Variants in ANAPC1 observed in about 807,000 individuals in gnomAD.
ANAPC1 encodes the protein anaphase promoting complex subunit 1.
A neutral mutation model predicts 208.0 loss-of-function variants in ANAPC1; 36 were observed. The ratio of observed to expected loss-of-function variants is 0.17; its 90% CI spans 0.13 to 0.23. ANAPC1 has a LOEUF of 0.23. Among genes scored for constraint, ANAPC1 ranks in the 10% least tolerant of loss-of-function variants. ANAPC1 has a pLI of 1.00. For missense variants in ANAPC1, 942 were observed against 2,011.6 expected (o/e 0.47, Z 10.17); for synonymous variants, 378 against 695.2 (o/e 0.54, Z 7.18).
chr2:111,863,352 CAA>C (rs75401538), intron 9 of ANAPC1, among the ~76,000 whole-genome samples: 2 of 127,776 alleles, frequency 1.6e-5, no homozygotes, highest in Non-Finnish European at 1.7e-5. Flanking sequence ...ACTAAAAATA[CAA>C]AAAAAAAAAA....
chr2:111,864,966 A>C lies in ANAPC1; in HGVS notation c.686-15T>G. ...ACCAAAAAGACCTTAAAAATAAAAT[A>C]GAAAAATCAGGTATAGAACAATGGG... On this transcript the variant is annotated splice_polypyrimidine_tract_variant and intron_variant, in intron 7 of 47. Transcript: ENST00000341068. The C allele has an allele frequency of 1.9e-6, 3 of 1,605,010 alleles. No individual in the cohort carries two copies. The South Asian group carries it at 3.3e-5, about 18-fold the overall frequency.
chr2:111,863,623 C>T, intron 9 of ANAPC1, 52 bp downstream of exon 9: 3 of 1,541,404 alleles, frequency 1.9e-6, no homozygotes, highest in Non-Finnish European at 2.6e-6. Context: ...AATTCTAAAT[C>T]CTTCAAAACA....
intron 33 of ANAPC1, 91 bp downstream of exon 33, chr2:111,802,337 A>AC (rs1423091245): frequency 8.5e-7 from 1 of 1,175,734 alleles, no homozygotes; most frequent in Non-Finnish European, 1.3e-6. Flanking sequence ...TGCTGGGATT[A>AC]CAGGCGTAAG....
chr2:111,773,761 G>A (rs113419074), intron 46 of ANAPC1, among the ~76,000 whole-genome samples: 1,615 of 152,238 alleles, frequency 0.011, 11 homozygotes, highest in Middle Eastern at 0.017. Context: ...AAGGAGCTCA[G>A]TGTTTTTGAG....
At chr2:111,806,029 A>G (rs1229857422) in intron 29 of ANAPC1, 136 bp from the exon 30 acceptor site, 6 of 542,770 alleles carry the variant, frequency 1.1e-5, no homozygotes, top group Non-Finnish European at 2.0e-5. Context: ...TTATGACACT[A>G]TAATAAATGG....
chr2:111,824,923 G>A (rs1263130103), intron 24 of ANAPC1, 43 bp downstream of exon 24: 1 of 1,610,164 alleles, frequency 6.2e-7, no homozygotes, highest in South Asian at 1.1e-5. Flanking sequence ...AGCTAGTCTG[G>A]AGGAAGCACG....
chr2:111,853,239 G>C lies in ANAPC1; in HGVS notation c.1516-2329C>G, dbSNP rs1021176037. Among the ~76,000 whole-genome samples the C allele has an allele frequency of 2.4e-4, 36 of 152,096 alleles. 1 individual carries two copies. Among genetic ancestry groups the C allele is most frequent in the African/African-American group, 8.4e-4 (35 of 41,474 alleles). Reference sequence around the variant, plus strand: ...ACTTACCCATGTCATTATATTTGAAGAACACTTCTTATAACCAACATATAT... The same window carrying C: ...ACTTACCCATGTCATTATATTTGAACAACACTTCTTATAACCAACATATAT... On this transcript the variant is annotated intron_variant, in intron 13 of 47. Coordinates refer to ENST00000341068, the MANE Select transcript of ANAPC1 (RefSeq NM_022662.4).
At chr2:111,767,372 T>C (rs1330383849), downstream of ANAPC1, among the ~76,000 whole-genome samples, 2 of 150,840 alleles carry the variant, frequency 1.3e-5, no homozygotes, top group Non-Finnish European at 1.5e-5. Context: ...AGGTTCTGGA[T>C]GGTGAGAGCC....
chr2:111,813,329 T>C (rs1345002001), intron 28 of ANAPC1, among the ~76,000 whole-genome samples: 1 of 150,462 alleles, frequency 6.6e-6, no homozygotes, highest in African/African-American at 2.4e-5. Context: ...TAATCATACC[T>C]GAAAGCCCGA....
chr2:111,789,011 G>A (rs1242005572), intron 38 of ANAPC1, among the ~76,000 whole-genome samples: 3 of 152,246 alleles, frequency 2.0e-5, no homozygotes, highest in Admixed American at 6.5e-5. Context: ...CGTGGCGGGC[G>A]CCTATAGTCC....
intron 35 of ANAPC1, 146 bp from the exon 36 acceptor site, chr2:111,794,469 T>C (rs1558670641): frequency 1.4e-6 from 1 of 709,568 alleles, no homozygotes; most frequent in East Asian, 2.9e-5. Flanking sequence ...GATTTCTATG[T>C]ATTTTTTTTT....
chr2:111,861,122 C>A (rs1434791308), intron 10 of ANAPC1, among the ~76,000 whole-genome samples: 3 of 152,206 alleles, frequency 2.0e-5, no homozygotes, highest in African/African-American at 7.2e-5. Context: ...GTTGCCCAAG[C>A]TGGAGTGCAG....
chr2:111,857,574 C>T (rs1300258319), intron 11 of ANAPC1, among the ~76,000 whole-genome samples: 1 of 152,204 alleles, frequency 6.6e-6, no homozygotes, highest in Non-Finnish European at 1.5e-5. Flanking sequence ...CATTAACCTT[C>T]ATATTTTGCT....
At chr2:111,881,829 C>G (rs943781053) in intron 1 of ANAPC1, among the ~76,000 whole-genome samples, 1 of 152,246 alleles carries the variant, frequency 6.6e-6, no homozygotes, top group African/African-American at 2.4e-5. Context: ...GTTTATCTCT[C>G]TGTCCTATGA....
At chr2:111,829,486 C>A (rs1470953527) in intron 21 of ANAPC1, among the ~76,000 whole-genome samples, 1 of 152,020 alleles carries the variant, frequency 6.6e-6, no homozygotes, top group Non-Finnish European at 1.5e-5. Context: ...GAAGACCCCA[C>A]CTGGAAAGGC....
At chr2:111,825,206 T>G in intron 22 of ANAPC1, 39 bp from the exon 23 acceptor site, 1 of 1,608,138 alleles carries the variant, frequency 6.2e-7, no homozygotes, top group Non-Finnish European at 8.5e-7. Context: ...TTGATAGTCA[T>G]CCTGGTAAAG....
At chr2:111,868,569 T>G (rs112604038) in intron 6 of ANAPC1, among the ~76,000 whole-genome samples, 4,444 of 152,306 alleles carry the variant, frequency 0.029, 147 homozygotes, top group African/African-American at 0.071. Flanking sequence ...CTCACTCTGT[T>G]GCCCAGGCTA....
chr2:111,838,803 T>TAC lies in ANAPC1; in HGVS notation c.2041-293_2041-292dup, dbSNP rs1361285895. ...CTCCTACTCCTGTAACAACATAGAT[T>TAC]ACATCACATCTTTGGTAGAAAAAGA... is the stretch of plus-strand genomic sequence containing the variant. On this transcript the variant is annotated intron_variant, in intron 17 of 47. Coordinates refer to ENST00000341068, the MANE Select transcript of ANAPC1 (RefSeq NM_022662.4). 5.3e-5 allele frequency among the ~76,000 whole-genome samples: 8 copies of TAC among 152,310 alleles called. No homozygotes were observed. The East Asian group carries it at 1.4e-3, about 26-fold the overall frequency.
chr2:111,846,019 C>T (rs1286882301), intron 16 of ANAPC1, among the ~76,000 whole-genome samples: 1 of 150,408 alleles, frequency 6.6e-6, no homozygotes, highest in Non-Finnish European at 1.5e-5. Flanking sequence ...GGCAAGGAAT[C>T]TCTATATCAA....
Sources: gnomAD v4.1 joint callset for allele counts (sites outside exome capture counted in the v4.1 genomes callset) on GRCh38, gnomAD v4.1.1 for gene constraint, MANE v1.5 for transcripts, NCBI Gene and HGNC (gene_info 2026-07-23, HGNC 2026-07-21) for gene names.